TVP23C: variants seen among roughly 807,000 people sequenced by gnomAD.
TVP23C encodes the protein trans-golgi network vesicle protein 23 homolog C.
A neutral mutation model predicts 28.7 loss-of-function variants in TVP23C; 19 were observed. That is an observed-to-expected ratio of 0.66 (90% confidence interval 0.46 to 0.97). TVP23C has a LOEUF of 0.97. Among genes scored for constraint, TVP23C ranks in the 50% least tolerant of loss-of-function variants. TVP23C has a pLI of 0.00. For missense variants in TVP23C, 186 were observed against 241.3 expected, an observed-to-expected ratio of 0.77 and a Z score of 1.52; for synonymous variants, 68 against 81.7, an observed-to-expected ratio of 0.83 and a Z score of 0.90.
At chr17:15,562,078 T>G (rs1434750924) in intron 1 of TVP23C, 1 of 151,988 alleles carries the variant, frequency 6.6e-6, no homozygotes, top group Non-Finnish European at 1.5e-5. Context: ...ATTAACCATA[T>G]CACTAAGAAA....
intron 1 of TVP23C, among the ~76,000 whole-genome samples, chr17:15,557,008 C>G (rs1984162477): frequency 1.3e-5 from 2 of 150,052 alleles, no homozygotes; most frequent in African/African-American, 2.4e-5. Context: ...ACTACATGGT[C>G]TCTAAGAACA....
intron 1 of TVP23C, among the ~76,000 whole-genome samples, chr17:15,560,137 G>T (rs1984314494): frequency 6.7e-6 from 1 of 149,498 alleles, no homozygotes. Context: ...TTGGCTCACT[G>T]CAACCTCCGC....
intron 5 of TVP23C, among the ~76,000 whole-genome samples, chr17:15,542,211 G>GA (rs780335024): frequency 1.4e-3 from 216 of 152,144 alleles, no homozygotes; most frequent in Admixed American, 3.0e-3. Context: ...AAAGACCCGA[G>GA]AAAAAAATGC....
downstream of TVP23C, among the ~76,000 whole-genome samples, chr17:15,535,809 C>T (rs35147502): frequency 2.0e-5 from 3 of 152,128 alleles, no homozygotes; most frequent in African/African-American, 7.2e-5. Flanking sequence ...TGCACTGTAT[C>T]GACAAGAATC....
chr17:15,510,842 T>C (rs1597504363), intron 5 of TVP23C, among the ~76,000 whole-genome samples: 1 of 151,728 alleles, frequency 6.6e-6, no homozygotes, highest in South Asian at 2.1e-4. Flanking sequence ...GATCATGAGG[T>C]CAAGAGTTCG....
At chr17:15,527,773 T>C (rs1982787530) in intron 5 of TVP23C, among the ~76,000 whole-genome samples, 1 of 151,990 alleles carries the variant, frequency 6.6e-6, no homozygotes, top group Non-Finnish European at 1.5e-5. Context: ...AAGTTCTTAA[T>C]GATTACAGTT....
In TVP23C at chr17:15,530,041, C is replaced by T. The variant is rs138615183; in HGVS notation, c.462+15744G>A. 6.8e-3 allele frequency among the ~76,000 whole-genome samples: 1,039 copies of T among 152,180 alleles called. 17 individuals carry two copies. The highest frequency in any genetic ancestry group is 0.021 in the African/African-American group (884 of 41,526). On this transcript the variant is annotated intron_variant, in intron 5 of 5. Transcript: ENST00000225576. ...CTTGAACTCCTGACCTCAAGTGATCCGCTCACCTAGACCTCCCAAAGTGCT... is the reference window on the plus strand; with the variant it reads ...CTTGAACTCCTGACCTCAAGTGATCTGCTCACCTAGACCTCCCAAAGTGCT...
At chr17:15,523,160 C>T (rs1172261908) in intron 5 of TVP23C, among the ~76,000 whole-genome samples, 1 of 150,904 alleles carries the variant, frequency 6.6e-6, no homozygotes, top group Non-Finnish European at 1.5e-5. Context: ...CAGGTGCATG[C>T]CGCCCGGCTA....
chr17:15,541,072 A>ATGCC, intron 5 of TVP23C, among the ~76,000 whole-genome samples: 1 of 152,288 alleles, frequency 6.6e-6, no homozygotes, highest in African/African-American at 2.4e-5. Context: ...AAATCAACCG[A>ATGCC]TGCCTGCCTT....
At chr17:15,523,275 G>A (rs1982561835) in intron 5 of TVP23C, among the ~76,000 whole-genome samples, 2 of 150,150 alleles carry the variant, frequency 1.3e-5, no homozygotes, top group Admixed American at 1.3e-4. Context: ...AAAGTTCTAG[G>A]ATTACAGGCA....
chr17:15,547,249 A>G, intron 3 of TVP23C, 101 bp from the exon 4 acceptor site: 1 of 1,556,062 alleles, frequency 6.4e-7, no homozygotes, highest in Non-Finnish European at 8.7e-7. Context: ...AAAAACCTTC[A>G]GCTTTACCTC....
chr17:15,540,222 T>A lies in TVP23C; in HGVS notation c.*190A>T, dbSNP rs1983352949. On this transcript the variant is annotated 3_prime_UTR_variant, in exon 6 of 6. Transcript: ENST00000518321. ...ATAAGTTATTATCAATGATAGTTTATCCTTCCTGGCTTTAAAATAATTTTA... is the reference window on the plus strand; with the variant it reads ...ATAAGTTATTATCAATGATAGTTTAACCTTCCTGGCTTTAAAATAATTTTA... 6 of 1,269,226 alleles carry A rather than the reference T, an allele frequency of 4.7e-6. No homozygotes were observed. The South Asian group carries it at 1.5e-4, about 33-fold the overall frequency. 78.6% of individuals were successfully genotyped at this position (1,269,226 alleles called of 1,614,324 possible). A position where few individuals can be genotyped will look rare whatever the true frequency, so the allele number is the denominator to read the frequency against.
chr17:15,558,654 G>A (rs1408142174), intron 1 of TVP23C, among the ~76,000 whole-genome samples: 1 of 147,778 alleles, frequency 6.8e-6, no homozygotes, highest in Non-Finnish European at 1.5e-5. Flanking sequence ...TGTGCTGATG[G>A]CATTAAGATG....
chr17:15,523,215 G>A (rs1324286353), intron 5 of TVP23C, among the ~76,000 whole-genome samples: 1 of 151,484 alleles, frequency 6.6e-6, no homozygotes, highest in Non-Finnish European at 1.5e-5. Flanking sequence ...GTGTTGCCCA[G>A]ACTGGTCTCG....
intron 5 of TVP23C, among the ~76,000 whole-genome samples, chr17:15,526,682 G>T (rs948038542): frequency 1.3e-5 from 2 of 152,114 alleles, no homozygotes; most frequent in Non-Finnish European, 2.9e-5. Flanking sequence ...GTATGCGTTG[G>T]TTTCATTTAC....
In TVP23C at chr17:15,527,666, G is replaced by A. The variant is rs547011883; in HGVS notation, c.462+18119C>T. Among the ~76,000 whole-genome samples the A allele has an allele frequency of 2.6e-5, 4 of 152,260 alleles. No homozygotes were observed. The East Asian group carries it at 7.7e-4, about 29-fold the overall frequency. On this transcript the variant is annotated intron_variant, in intron 5 of 5. Transcript: ENST00000225576. ...TACTTGTGCTTATGACTCTCAGCCT[G>A]CTGCTTCATCTGTAAAAATGGGATA...
chr17:15,545,546 A>G (rs1597537115), intron 5 of TVP23C, among the ~76,000 whole-genome samples: 1 of 152,304 alleles, frequency 6.6e-6, no homozygotes, highest in Non-Finnish European at 1.5e-5. Flanking sequence ...ATTACCAACC[A>G]TTATTTCCAG....
intron 3 of TVP23C, among the ~76,000 whole-genome samples, chr17:15,551,675 T>TGGG (rs199924454): frequency 0.016 from 1,934 of 122,794 alleles, 43 homozygotes; most frequent in African/African-American, 0.057. Context: ...GAGATTTTTT[T>TGGG]GTGTGCGATT....
Position 15,539,229 on chromosome 17 carries a change from T to G in TVP23C, c.*1183A>C. ...GTGCCCTCTAGGTGATTCTCATGTA[T>G]GTTCGAGTTTAAGAATCCCTGTCCT... is the stretch of plus-strand genomic sequence containing the variant. On this transcript the variant is annotated 3_prime_UTR_variant, in exon 6 of 6. Coordinates refer to ENST00000518321, the MANE Select transcript of TVP23C (RefSeq NM_001135036.2). The G allele has an allele frequency of 1.0e-6, 1 of 982,994 alleles. No individual in the cohort carries two copies. The highest frequency in any genetic ancestry group is 1.2e-6 in the Non-Finnish European group (1 of 827,768). 60.9% of individuals were successfully genotyped at this position (982,994 alleles called of 1,614,324 possible). A position where few individuals can be genotyped will look rare whatever the true frequency, so the allele number is the denominator to read the frequency against.
Sources: allele counts gnomAD v4.1 joint callset (sites outside exome capture counted in the v4.1 genomes callset), GRCh38; gene constraint gnomAD v4.1.1; transcripts MANE v1.5; gene names NCBI Gene and HGNC (gene_info 2026-07-23, HGNC 2026-07-21).